Variants in RPSA2 observed in about 807,000 individuals in gnomAD.
RPSA2 encodes small ribosomal subunit protein uS2B.
chr19:23,867,546 T>G, the RPSA2 span, among the ~76,000 whole-genome samples: 16 of 150,284 alleles, frequency 1.1e-4, no homozygotes, highest in South Asian at 3.4e-3. Context: ...CAAAAAAGAC[T>G]GGGGCCGGGT....
At chr19:23,828,067 T>C in the RPSA2 span, 1 of 601,444 alleles carries the variant, frequency 1.7e-6, no homozygotes, top group Non-Finnish European at 2.9e-6. Context: ...TTGCATAGGC[T>C]CTTAAGCAGC....
the RPSA2 span, among the ~76,000 whole-genome samples, chr19:23,811,911 AT>A: frequency 6.6e-6 from 1 of 152,170 alleles, no homozygotes; most frequent in East Asian, 1.9e-4. Flanking sequence ...TTAAAAGCTT[AT>A]CCATTAAAGG....
chr19:23,844,787 A>G, the RPSA2 span, among the ~76,000 whole-genome samples: 1 of 151,764 alleles, frequency 6.6e-6, no homozygotes, highest in Admixed American at 6.6e-5. Context: ...CCTGAGAGTG[A>G]CTTAGGAAGA....
chr19:23,857,205 CA>C, the RPSA2 span, among the ~76,000 whole-genome samples: 1 of 152,178 alleles, frequency 6.6e-6, no homozygotes, highest in Non-Finnish European at 1.5e-5. Context: ...ATTGTTCAAA[CA>C]CACGTTTTAC....
At chr19:23,763,400 A>G in the RPSA2 span, among the ~76,000 whole-genome samples, 2 of 152,224 alleles carry the variant, frequency 1.3e-5, no homozygotes, top group Non-Finnish European at 2.9e-5. Context: ...CAGGGATGCC[A>G]GGCGGGTCAT....
chr19:23,774,078 G>A, the RPSA2 span, among the ~76,000 whole-genome samples: 4 of 152,200 alleles, frequency 2.6e-5, no homozygotes, highest in East Asian at 7.7e-4. Flanking sequence ...CTATTTTTCT[G>A]TGTTGGTGCT....
the RPSA2 span, among the ~76,000 whole-genome samples, chr19:23,797,141 G>A: frequency 7.9e-5 from 12 of 151,168 alleles, no homozygotes; most frequent in Middle Eastern, 3.2e-3. Flanking sequence ...ATGGATTTTC[G>A]CTCTTGCTGC....
chr19:23,832,757 C>G, the RPSA2 span: 4 of 1,566,562 alleles, frequency 2.6e-6, no homozygotes, highest in Non-Finnish European at 3.5e-6. Flanking sequence ...AGCCAGTCAT[C>G]AATCCTTACT....
chr19:23,853,838 A>G, the RPSA2 span, among the ~76,000 whole-genome samples: 1 of 152,182 alleles, frequency 6.6e-6, no homozygotes, highest in Non-Finnish European at 1.5e-5. Flanking sequence ...TCTCTGGGGA[A>G]TTTCATCAGC....
the RPSA2 span, among the ~76,000 whole-genome samples, chr19:23,870,040 C>A: frequency 2.0e-5 from 3 of 152,286 alleles, no homozygotes; most frequent in East Asian, 5.8e-4. Context: ...GGGTCACATT[C>A]CTGGGCTATG....
chr19:23,776,945 G>A, the RPSA2 span, among the ~76,000 whole-genome samples: 1 of 152,160 alleles, frequency 6.6e-6, no homozygotes, highest in Non-Finnish European at 1.5e-5. Flanking sequence ...ACAAGTTTCT[G>A]GGCCCAGCAC....
chr19:23,808,853 G>T, the RPSA2 span: 1 of 525,138 alleles, frequency 1.9e-6, no homozygotes, highest in Non-Finnish European at 3.2e-6. Flanking sequence ...ATGGATGAGA[G>T]GCCCAAATCA....
the RPSA2 span, among the ~76,000 whole-genome samples, chr19:23,810,794 C>T: frequency 1.3e-5 from 2 of 152,076 alleles, no homozygotes; most frequent in Non-Finnish European, 2.9e-5. Flanking sequence ...CAGACTGTGA[C>T]TGGGAAGAGT....
chr19:23,776,542 G>A, the RPSA2 span, among the ~76,000 whole-genome samples: 1 of 152,104 alleles, frequency 6.6e-6, no homozygotes, highest in Non-Finnish European at 1.5e-5. Context: ...TAACTCTCTT[G>A]TTTGGGTTCT....
At chr19:23,845,746 C>T in the RPSA2 span, among the ~76,000 whole-genome samples, 2 of 152,314 alleles carry the variant, frequency 1.3e-5, no homozygotes, top group South Asian at 2.1e-4. Flanking sequence ...CCTGCCTCAG[C>T]CTCACAAAGT....
the RPSA2 span, among the ~76,000 whole-genome samples, chr19:23,869,930 T>C: frequency 6.6e-6 from 1 of 152,232 alleles, no homozygotes; most frequent in African/African-American, 2.4e-5. Context: ...GCGGACCAGC[T>C]CCAGGTAAGC....
At chr19:23,840,316 C>T in the RPSA2 span, among the ~76,000 whole-genome samples, 4 of 152,184 alleles carry the variant, frequency 2.6e-5, no homozygotes, top group African/African-American at 9.7e-5. Context: ...TCTTTATTCT[C>T]TCCATCCAGG....
At chr19:23,828,141 C>A in the RPSA2 span, 2,041 of 677,522 alleles carry the variant, frequency 3.0e-3, 40 homozygotes, top group African/African-American at 0.034. Context: ...AAAAATGCTG[C>A]AATAATTATG....
the RPSA2 span, among the ~76,000 whole-genome samples, chr19:23,770,229 CAT>C: frequency 1.3e-5 from 2 of 152,126 alleles, no homozygotes. Context: ...TGATGTGACT[CAT>C]AGTTCTCTAT....
Sources: gnomAD v4.1 joint callset for allele counts (sites outside exome capture counted in the v4.1 genomes callset) on GRCh38, gnomAD v4.1.1 for gene constraint, MANE v1.5 for transcripts, NCBI Gene and HGNC (gene_info 2026-07-23, HGNC 2026-07-21) for gene names.